Variants in RNLS observed in about 807,000 individuals in gnomAD.
RNLS encodes renalase, FAD dependent amine oxidase, also known as renalase.
A neutral mutation model predicts 39.8 loss-of-function variants in RNLS; 39 were observed. The observed-to-expected ratio is 0.98, with a 90% CI of 0.76 to 1.28. RNLS has a LOEUF of 1.28. Among genes scored for constraint, RNLS ranks in the 50% most tolerant of loss-of-function variants. The pLI is 0.00. For synonymous variants in RNLS, 147 were observed against 150.7 expected (o/e 0.98, Z 0.18); for missense variants, 410 against 413.3 (o/e 0.99, Z 0.07).
chr10:88,482,906 A>G (rs1844282549), intron 4 of RNLS, among the ~76,000 whole-genome samples: 1 of 151,778 alleles, frequency 6.6e-6, no homozygotes, highest in African/African-American at 2.4e-5. Context: ...ATCCCTGCTC[A>G]GTTTTCCTTC....
chr10:88,252,196 T>C, the RNLS span, among the ~76,000 whole-genome samples: 4,026 of 152,166 alleles, frequency 0.026, 191 homozygotes, highest in African/African-American at 0.092. Context: ...TCTCCCTCTA[T>C]CTCGTCATAT....
At chr10:88,198,717 C>T in the RNLS span, among the ~76,000 whole-genome samples, 2 of 152,092 alleles carry the variant, frequency 1.3e-5, no homozygotes, top group Non-Finnish European at 2.9e-5. Context: ...ATGTAGCATG[C>T]CTGCTTCCCC....
At chr10:88,451,654 T>C (rs2133897271) in intron 4 of RNLS, among the ~76,000 whole-genome samples, 1 of 152,260 alleles carries the variant, frequency 6.6e-6, no homozygotes, top group East Asian at 1.9e-4. Flanking sequence ...AAGTGCAGAG[T>C]GTAGTTTCAG....
chr10:88,182,535 A>G, the RNLS span, among the ~76,000 whole-genome samples: 1 of 152,152 alleles, frequency 6.6e-6, no homozygotes, highest in Admixed American at 6.6e-5. Flanking sequence ...TATATCATTC[A>G]CTTTACAAAA....
intron 4 of RNLS, among the ~76,000 whole-genome samples, chr10:88,459,379 C>G (rs763777297): frequency 3.9e-5 from 6 of 152,078 alleles, no homozygotes; most frequent in African/African-American, 7.2e-5. Flanking sequence ...GACCATGCCA[C>G]AAGACCAAAT....
intron 6 of RNLS, among the ~76,000 whole-genome samples, chr10:88,313,265 G>A (rs964774990): frequency 5.9e-5 from 9 of 152,090 alleles, no homozygotes; most frequent in African/African-American, 1.7e-4. Flanking sequence ...CCTCATAAAC[G>A]AATGTTTCTT....
Position 88,566,043 on chromosome 10 carries a change from G to A in RNLS, c.526+6860C>T, listed in dbSNP as rs370399536. On this transcript the variant is annotated intron_variant, in intron 4 of 6. Transcript: ENST00000331772. ...ATTACAGGCAGAAGCCACCGCGCCC[G>A]GCCAATATCATTTTTTATAATAAGA... is the stretch of plus-strand genomic sequence containing the variant. Among the ~76,000 whole-genome samples the A allele has an allele frequency of 4.6e-5, 7 of 151,536 alleles. No individual in the cohort carries two copies. The South Asian group carries it at 6.3e-4, about 14-fold the overall frequency.
At chr10:88,549,516 T>C (rs1848509923) in intron 4 of RNLS, among the ~76,000 whole-genome samples, 1 of 152,160 alleles carries the variant, frequency 6.6e-6, no homozygotes, top group Non-Finnish European at 1.5e-5. Context: ...CAGTGAGCTA[T>C]GATTGTGCTA....
chr10:88,528,910 A>C (rs1589961561), intron 4 of RNLS, among the ~76,000 whole-genome samples: 1 of 151,954 alleles, frequency 6.6e-6, no homozygotes, highest in Admixed American at 6.6e-5. Context: ...AAAATCCATC[A>C]ATCAATCAAT....
chr10:88,432,448 A>C (rs1034884564), intron 4 of RNLS, among the ~76,000 whole-genome samples: 3 of 151,890 alleles, frequency 2.0e-5, no homozygotes, highest in Admixed American at 6.6e-5. Context: ...CATTTAGACC[A>C]CTTACATTTA....
At chr10:88,453,228 T>C (rs75765361) in intron 4 of RNLS, among the ~76,000 whole-genome samples, 1 of 152,326 alleles carries the variant, frequency 6.6e-6, no homozygotes, top group Non-Finnish European at 1.5e-5. Context: ...ACTATAGTAC[T>C]TACACCTCCA....
intron 4 of RNLS, among the ~76,000 whole-genome samples, chr10:88,388,292 CCTT>C (rs1203895185): frequency 6.6e-5 from 10 of 152,304 alleles, no homozygotes; most frequent in African/African-American, 2.4e-4. Flanking sequence ...ATTGTTTTCT[CCTT>C]CTGAGCCACT....
intron 5 of RNLS, among the ~76,000 whole-genome samples, chr10:88,340,832 C>T (rs542990754): frequency 2.0e-4 from 31 of 152,072 alleles, no homozygotes; most frequent in Admixed American, 1.0e-3. Context: ...GAGGCCGAGG[C>T]GGGCAGATCA....
the RNLS span, among the ~76,000 whole-genome samples, chr10:88,242,203 C>T: frequency 4.6e-5 from 7 of 152,200 alleles, no homozygotes; most frequent in Admixed American, 4.6e-4. Context: ...ACCCCTCCAA[C>T]TAAGATGCTG....
intron 5 of RNLS, chr10:88,343,802 A>G (rs1848124747): frequency 2.0e-6 from 2 of 985,234 alleles, no homozygotes; most frequent in Admixed American, 1.2e-4. Context: ...TGCAGCTTTT[A>G]TTTGCACTGC....
At chr10:88,246,098 A>G in the RNLS span, among the ~76,000 whole-genome samples, 1 of 152,214 alleles carries the variant, frequency 6.6e-6, no homozygotes, top group Non-Finnish European at 1.5e-5. Context: ...CAGGCAGATC[A>G]GTAGAAAAAG....
At chr10:88,535,146 CAG>C (rs538298112) in intron 4 of RNLS, among the ~76,000 whole-genome samples, 24 of 152,196 alleles carry the variant, frequency 1.6e-4, no homozygotes, top group Non-Finnish European at 2.4e-4. Flanking sequence ...AAAATCATGA[CAG>C]TGTTTTTCAC....
chr10:88,351,863 G>A (rs1266548042), intron 5 of RNLS, among the ~76,000 whole-genome samples: 2 of 152,074 alleles, frequency 1.3e-5, no homozygotes, highest in Admixed American at 1.3e-4. Context: ...ATTTGTTTGT[G>A]TCCTCTTTTA....
chr10:88,281,997 C>T (rs537126933), downstream of RNLS, among the ~76,000 whole-genome samples: 15 of 152,214 alleles, frequency 9.9e-5, no homozygotes, highest in South Asian at 1.0e-3. Flanking sequence ...GATGAACGCA[C>T]GGTGAGTCTG....
Sources: gnomAD v4.1 joint callset for allele counts (sites outside exome capture counted in the v4.1 genomes callset) on GRCh38, gnomAD v4.1.1 for gene constraint, MANE v1.5 for transcripts, NCBI Gene and HGNC (gene_info 2026-07-23, HGNC 2026-07-21) for gene names.